The following TRAPPC11 variants were observed in gnomAD, a reference collection of about 807,000 sequenced individuals.
TRAPPC11 encodes the protein foie gras homolog.
In TRAPPC11, 104 loss-of-function variants were observed where a neutral mutation model predicts 151.2. The ratio of observed to expected loss-of-function variants is 0.69; its 90% CI spans 0.59 to 0.81. The LOEUF (loss-of-function observed/expected upper bound fraction) is 0.81, where lower values mean the gene tolerates loss of function less well. Among genes scored for constraint, TRAPPC11 ranks in the 30% least tolerant of loss-of-function variants. The pLI, the probability that TRAPPC11 is intolerant of heterozygous loss-of-function variation, is 0.00. For missense variants in TRAPPC11, 1,230 were observed against 1,349.6 expected (o/e 0.91, Z 1.39); for synonymous variants, 456 against 472.3 (o/e 0.97, Z 0.45).
intron 11 of TRAPPC11, 29 bp from the exon 12 acceptor site, chr4:183,683,946 T>G (rs1324949529): frequency 6.3e-7 from 1 of 1,586,388 alleles, no homozygotes; most frequent in East Asian, 2.2e-5. Context: ...ATGAGCTGTC[T>G]AAAATGAGTT....
chr4:183,705,097 A>G, intron 27 of TRAPPC11, 27 bp downstream of exon 27: 1 of 1,412,848 alleles, frequency 7.1e-7, no homozygotes, highest in Non-Finnish European at 1.0e-6. Context: ...TTTACTTGAT[A>G]AGAAGGACCC....
intron 23 of TRAPPC11, among the ~76,000 whole-genome samples, chr4:183,696,827 A>G (rs575596228): frequency 2.0e-5 from 3 of 152,338 alleles, no homozygotes; most frequent in South Asian, 2.1e-4. Flanking sequence ...TGAACATTAC[A>G]TAATACATGT....
At chr4:183,672,616 C>T (rs891846382) in intron 5 of TRAPPC11, among the ~76,000 whole-genome samples, 121 of 152,150 alleles carry the variant, frequency 8.0e-4, no homozygotes, top group Non-Finnish European at 2.1e-4. Flanking sequence ...TGCTCTATCC[C>T]GTGATGTCTC....
At chr4:183,661,927 A>C (rs1448450985) in intron 1 of TRAPPC11, among the ~76,000 whole-genome samples, 7 of 151,180 alleles carry the variant, frequency 4.6e-5, no homozygotes, top group Non-Finnish European at 7.4e-5. Context: ...ATGCCCGGCT[A>C]TTTTCTTTTT....
At position 183,706,747 on chromosome 4, in the gene TRAPPC11, G is replaced by A. The variant is rs73002800; in HGVS notation, c.3056-60G>A. On this transcript the variant is annotated intron_variant, in intron 27 of 29. Coordinates refer to ENST00000334690, the MANE Select transcript of TRAPPC11 (RefSeq NM_021942.6). ...ACAGAATGAGATTCATTTACAAAACGAAGCCATAAGTGGGGAGCTATTTTT... is the reference window on the plus strand; with the variant it reads ...ACAGAATGAGATTCATTTACAAAACAAAGCCATAAGTGGGGAGCTATTTTT... 1.1e-3 allele frequency: 1,776 copies of A among 1,553,920 alleles called. 23 individuals carry two copies. The African/African-American group carries it at 0.016, about 14-fold the overall frequency.
intron 25 of TRAPPC11, 49 bp downstream of exon 25, chr4:183,697,884 T>A: frequency 9.9e-7 from 1 of 1,007,244 alleles, no homozygotes; most frequent in Non-Finnish European, 1.4e-6. Context: ...TGTGCGCGCG[T>A]GTGTGTGTGT....
intron 29 of TRAPPC11, among the ~76,000 whole-genome samples, chr4:183,712,113 G>T (rs1737365814): frequency 6.6e-6 from 1 of 152,106 alleles, no homozygotes; most frequent in African/African-American, 2.4e-5. Flanking sequence ...CAGGAGATTG[G>T]GCAACCTTGA....
intron 10 of TRAPPC11, 49 bp downstream of exon 10, chr4:183,680,316 T>C: frequency 6.3e-7 from 1 of 1,584,920 alleles, no homozygotes; most frequent in South Asian, 1.2e-5. Flanking sequence ...GTTATTCTTC[T>C]TTTGAAAGAA....
At chr4:183,670,376 T>C (rs1250272173) in intron 5 of TRAPPC11, among the ~76,000 whole-genome samples, 1 of 152,242 alleles carries the variant, frequency 6.6e-6, no homozygotes, top group Admixed American at 6.5e-5. Flanking sequence ...GTAAGCTTTT[T>C]TCTTTTATTA....
chr4:183,670,846 C>T (rs1021708929), intron 5 of TRAPPC11, among the ~76,000 whole-genome samples: 2 of 152,058 alleles, frequency 1.3e-5, no homozygotes, highest in African/African-American at 2.4e-5. Context: ...AGTGCAGTGG[C>T]GTGGTCTTGG....
At chr4:183,680,370 TTTAA>T (rs1735615374) in intron 10 of TRAPPC11, 103 bp downstream of exon 10, 3 of 1,261,074 alleles carry the variant, frequency 2.4e-6, no homozygotes, top group Non-Finnish European at 2.1e-6. Flanking sequence ...AGTCTTTAAA[TTTAA>T]TTAGTTTTTA....
In TRAPPC11 at chr4:183,697,746, C is replaced by T. The variant is rs1348731228; in HGVS notation, c.2762C>T (p.Ser921Leu). ...TTGATGACGGACCTCTTAAGTGCCTCACCCTGGGCCCTCACTATTGTTTCC... is the reference window on the plus strand; with the variant it reads ...TTGATGACGGACCTCTTAAGTGCCTTACCCTGGGCCCTCACTATTGTTTCC... ...FLLMTDLLSASPWALTIVSSE... is the reference protein window; with the variant it reads ...FLLMTDLLSALPWALTIVSSE... The change falls in exon 25 of 30, where the codon TCA (serine) becomes TTA (leucine). Residue 921 changes from serine to leucine, a missense_variant. Transcript: ENST00000334690. 6.2e-7 allele frequency: 1 copy of T among 1,614,166 alleles called. No individual in the cohort carries two copies. The highest frequency in any genetic ancestry group is 1.3e-5 in the African/African-American group (1 of 75,050).
At chr4:183,677,379 C>A in intron 7 of TRAPPC11, 79 bp from the exon 8 acceptor site, 2 of 841,888 alleles carry the variant, frequency 2.4e-6, no homozygotes, top group South Asian at 1.5e-5. Flanking sequence ...AGTAAATATT[C>A]TTTGTTATTT....
At chr4:183,696,472 T>A (rs939892402) in intron 23 of TRAPPC11, among the ~76,000 whole-genome samples, 2 of 152,202 alleles carry the variant, frequency 1.3e-5, no homozygotes, top group Non-Finnish European at 2.9e-5. Flanking sequence ...CTTGGTTCAC[T>A]GCAGCCTCCG....
In TRAPPC11 at chr4:183,665,226, C is replaced by T. The variant is rs1416496083; in HGVS notation, c.205-1031C>T. On this transcript the variant is annotated intron_variant, in intron 2 of 29. Transcript: ENST00000334690. ...TCTCCTGCTTCAGCCTCCCGAGTGG[C>T]TGGGACTACAGGCGCCCGCCACCAC... Among the ~76,000 whole-genome samples the T allele has an allele frequency of 1.5e-4, 23 of 150,936 alleles. No individual in the cohort carries two copies. The Admixed American group carries it at 1.5e-3, about 10-fold the overall frequency.
At chr4:183,704,917 T>A in intron 26 of TRAPPC11, 62 bp from the exon 27 acceptor site, 2 of 1,101,086 alleles carry the variant, frequency 1.8e-6, no homozygotes, top group Non-Finnish European at 2.7e-6. Flanking sequence ...TTTGATGAAC[T>A]TCTTTCATAG....
rs145842147 is a variant in TRAPPC11, at chr4:183,663,984, C to G, written c.117C>G (p.Ala39=). The change falls in exon 2 of 30, where the codon GCC becomes GCG. Residue 39 remains alanine, a synonymous_variant. Coordinates refer to ENST00000334690, the MANE Select transcript of TRAPPC11 (RefSeq NM_021942.6). ...YNAVHRAVWD[A]FCANRRADRV... ...CAGTCCATCGAGCTGTCTGGGACGC[C>G]TTCTGTGCAAATCGGAGAGCTGATC... 1.0e-3 allele frequency: 1,624 copies of G among 1,614,070 alleles called. 21 individuals carry two copies. The East Asian group carries it at 0.03, about 30-fold the overall frequency.
chr4:183,700,707 G>C (rs1736759089), intron 25 of TRAPPC11: 1 of 152,206 alleles, frequency 6.6e-6, no homozygotes, highest in Non-Finnish European at 1.5e-5. Flanking sequence ...TCTCTTACCT[G>C]AAGTGTTTGG....
chr4:183,662,075 G>C (rs1233953580), intron 1 of TRAPPC11, among the ~76,000 whole-genome samples: 2 of 152,030 alleles, frequency 1.3e-5, no homozygotes, highest in Non-Finnish European at 2.9e-5. Flanking sequence ...TGAATTCTCT[G>C]TAATATGCTG....
Sources: allele counts gnomAD v4.1 joint callset (sites outside exome capture counted in the v4.1 genomes callset), GRCh38; gene constraint gnomAD v4.1.1; transcripts MANE v1.5; gene names NCBI Gene and HGNC (gene_info 2026-07-23, HGNC 2026-07-21).